MAPDA: variants seen among roughly 807,000 people sequenced by gnomAD.
MAPDA encodes N6,N6-dimethyl-AMP deaminase.
At chr15:43,351,338 A>AT in the MAPDA span, 2 of 330,180 alleles carry the variant, frequency 6.1e-6, no homozygotes, top group Non-Finnish European at 1.1e-5. Flanking sequence ...CAAAGCAAAA[A>AT]AAAAAAGGGA....
At chr15:43,335,784 A>G in the MAPDA span, 12 of 1,613,954 alleles carry the variant, frequency 7.4e-6, no homozygotes, top group South Asian at 2.2e-5. Context: ...ATCCACGATC[A>G]GATGACTGTG....
At chr15:43,354,411 G>T in the MAPDA span, 4 of 152,140 alleles carry the variant, frequency 2.6e-5, no homozygotes, top group Non-Finnish European at 1.5e-5. Flanking sequence ...TTCATAAAAT[G>T]TGGATCTATT....
chr15:43,354,500 A>G, the MAPDA span: 1 of 152,230 alleles, frequency 6.6e-6, no homozygotes, highest in South Asian at 2.1e-4. Flanking sequence ...AAATATGGTT[A>G]TAAAGTTTTA....
At chr15:43,345,906 G>A in the MAPDA span, 4 of 1,614,016 alleles carry the variant, frequency 2.5e-6, no homozygotes, top group Non-Finnish European at 2.5e-6. Context: ...CAAGGAGACT[G>A]TAAAACTTGC....
At chr15:43,352,312 A>T in the MAPDA span, 19 of 175,088 alleles carry the variant, frequency 1.1e-4, no homozygotes, top group African/African-American at 4.2e-4. Context: ...AAATTAGGTT[A>T]CTGCCGAGAC....
the MAPDA span, chr15:43,343,031 A>G: frequency 1.3e-6 from 2 of 1,591,442 alleles, no homozygotes; most frequent in Non-Finnish European, 1.7e-6. Flanking sequence ...CTATACTTGA[A>G]GGTATAAAAC....
chr15:43,341,666 C>CT, the MAPDA span, among the ~76,000 whole-genome samples: 2 of 151,474 alleles, frequency 1.3e-5, no homozygotes, highest in Non-Finnish European at 2.9e-5. Flanking sequence ...TCATAAGACC[C>CT]CCCCCACCTC....
At chr15:43,346,765 A>G in the MAPDA span, among the ~76,000 whole-genome samples, 1 of 152,198 alleles carries the variant, frequency 6.6e-6, no homozygotes, top group Non-Finnish European at 1.5e-5. Context: ...TGACTACTAT[A>G]TCCAGCTTAG....
At chr15:43,336,623 C>T in the MAPDA span, 1 of 1,564,868 alleles carries the variant, frequency 6.4e-7, no homozygotes, top group Non-Finnish European at 8.6e-7. Context: ...ATTCATGTTG[C>T]AGATGTTTCC....
chr15:43,335,829 A>G, the MAPDA span: 1 of 1,611,626 alleles, frequency 6.2e-7, no homozygotes, highest in African/African-American at 1.3e-5. Flanking sequence ...TTGGAAGAGT[A>G]AGTGTGGGGA....
the MAPDA span, chr15:43,348,960 A>G: frequency 6.2e-7 from 1 of 1,614,064 alleles, no homozygotes; most frequent in Admixed American, 1.7e-5. Context: ...TTCCTGACAG[A>G]ATCGGGCATG....
chr15:43,330,449 T>C, the MAPDA span: 1 of 1,537,060 alleles, frequency 6.5e-7, no homozygotes, highest in East Asian at 2.3e-5. Flanking sequence ...GTTGGTGTTC[T>C]GTACCGCGCC....
chr15:43,330,519 G>A, the MAPDA span: 3 of 1,510,292 alleles, frequency 2.0e-6, no homozygotes, highest in South Asian at 1.3e-5. Context: ...ATGGCAGTCT[G>A]TCACGGTTGT....
At chr15:43,340,891 T>G in the MAPDA span, among the ~76,000 whole-genome samples, 2 of 152,250 alleles carry the variant, frequency 1.3e-5, no homozygotes, top group African/African-American at 4.8e-5. Flanking sequence ...TCCTGCATCA[T>G]GGGCACTTGT....
the MAPDA span, among the ~76,000 whole-genome samples, chr15:43,344,597 T>A: frequency 6.6e-6 from 1 of 151,888 alleles, no homozygotes; most frequent in Non-Finnish European, 1.5e-5. Context: ...TCACCTGAGG[T>A]CAGGAGTTGG....
the MAPDA span, among the ~76,000 whole-genome samples, chr15:43,349,755 G>A: frequency 6.6e-6 from 1 of 152,228 alleles, no homozygotes; most frequent in East Asian, 1.9e-4. Context: ...AAAAATGCTT[G>A]TGTGAGTATG....
At chr15:43,353,725 A>G in the MAPDA span, 1 of 152,246 alleles carries the variant, frequency 6.6e-6, no homozygotes, top group South Asian at 2.1e-4. Flanking sequence ...ACTCCAGAAG[A>G]ACAGATTTTG....
At chr15:43,352,296 G>C in the MAPDA span, 1 of 184,782 alleles carries the variant, frequency 5.4e-6, no homozygotes, top group Non-Finnish European at 1.1e-5. Flanking sequence ...AGTTAGGAAA[G>C]TGGGGAAATT....
the MAPDA span, among the ~76,000 whole-genome samples, chr15:43,334,633 T>TTATTTATATATATATATATATATA: frequency 4.0e-4 from 26 of 65,170 alleles, 1 homozygote; most frequent in Non-Finnish European, 7.9e-4. Context: ...CTCAAAAAAA[T>TTATTTATATATATATATATATATA]TATATATATA....
Sources: allele counts gnomAD v4.1 joint callset (sites outside exome capture counted in the v4.1 genomes callset), GRCh38; gene constraint gnomAD v4.1.1; transcripts MANE v1.5; gene names NCBI Gene and HGNC (gene_info 2026-07-23, HGNC 2026-07-21).